SCARB2: variants seen among roughly 807,000 people sequenced by gnomAD.
SCARB2 encodes scavenger receptor class B member 2, also known as lysosome membrane protein 2.
In SCARB2, 29 loss-of-function variants were observed where a neutral mutation model predicts 58.6. That is an observed-to-expected ratio of 0.49 (90% CI 0.37 to 0.67). SCARB2 has a LOEUF of 0.67. Ranked by LOEUF, SCARB2 falls within the 30% of genes least tolerant of loss-of-function variation. The pLI is 0.00. For synonymous variants in SCARB2, 195 were observed against 210.1 expected (o/e 0.93, Z 0.62); for missense variants, 488 against 578.5 (o/e 0.84, Z 1.60).
At chr4:76,173,970 T>C (rs1263215392) in intron 7 of SCARB2, 174 bp downstream of exon 7, 3 of 716,570 alleles carry the variant, frequency 4.2e-6, no homozygotes, top group African/African-American at 1.8e-5. Flanking sequence ...GGTCTCGCCA[T>C]GTTGCCCAGG....
At chr4:76,215,145 G>A (rs1490424104), upstream of SCARB2, among the ~76,000 whole-genome samples, 1 of 152,194 alleles carries the variant, frequency 6.6e-6, no homozygotes, top group Non-Finnish European at 1.5e-5. Context: ...TAAATATCAG[G>A]GTATGGATTT....
chr4:76,205,802 G>A (rs549704973), intron 1 of SCARB2, among the ~76,000 whole-genome samples: 1 of 152,298 alleles, frequency 6.6e-6, no homozygotes, highest in Non-Finnish European at 1.5e-5. Context: ...TTAAACACAT[G>A]ATCCTCTCAA....
Position 76,198,312 on chromosome 4 carries a change from C to T in SCARB2, c.118-2448G>A, listed in dbSNP as rs570246476. On this transcript the variant is annotated intron_variant, in intron 1 of 11. Coordinates refer to ENST00000264896, the MANE Select transcript of SCARB2 (RefSeq NM_005506.4). ...CATAAATGAACAGATGGCTAACCTC[C>T]CTGGTTTATCTTGCTGGGCTGGCAT... is the stretch of plus-strand genomic sequence containing the variant. Among the ~76,000 whole-genome samples, 3 of 152,314 alleles carry T rather than the reference C, an allele frequency of 2.0e-5. No homozygotes were observed. In the East Asian group the frequency reaches 5.8e-4, roughly 29 times the overall value.
intron 1 of SCARB2, among the ~76,000 whole-genome samples, chr4:76,201,476 G>A (rs772362751): frequency 5.3e-5 from 8 of 152,202 alleles, no homozygotes; most frequent in Admixed American, 2.0e-4. Context: ...ATACCGCAGC[G>A]TAGAGCACAA....
At chr4:76,202,968 A>G (rs1373050578) in intron 1 of SCARB2, among the ~76,000 whole-genome samples, 2 of 152,136 alleles carry the variant, frequency 1.3e-5, no homozygotes, top group African/African-American at 4.8e-5. Flanking sequence ...GTTCTTGAAT[A>G]TATTTGTCCA....
chr4:76,212,070 C>T (rs1443281209), intron 1 of SCARB2, among the ~76,000 whole-genome samples: 1 of 152,146 alleles, frequency 6.6e-6, no homozygotes, highest in Non-Finnish European at 1.5e-5. Flanking sequence ...TATAGGGCTC[C>T]TTGAAACAGC....
intron 2 of SCARB2, among the ~76,000 whole-genome samples, chr4:76,183,971 A>T (rs987108972): frequency 6.6e-6 from 1 of 152,242 alleles, no homozygotes; most frequent in Non-Finnish European, 1.5e-5. Flanking sequence ...GTATAGAAGG[A>T]AGCATACTTC....
chr4:76,169,341 C>CACACACACACACACACAT (rs3217498), intron 8 of SCARB2, among the ~76,000 whole-genome samples: 6 of 151,240 alleles, frequency 4.0e-5, no homozygotes, highest in African/African-American at 1.5e-4. Context: ...CACACACACA[C>CACACACACACACACACAT]GTGTGTATGT....
At position 76,175,775 on chromosome 4, in the gene SCARB2, T is replaced by C. The variant is rs779007336; in HGVS notation, c.824+16A>G. ...GACCTTATTTTTGAAAAAGAACTTATCTTTAAAGCTTTTACCTGCAAAAGT... is the reference window on the plus strand; with the variant it reads ...GACCTTATTTTTGAAAAAGAACTTACCTTTAAAGCTTTTACCTGCAAAAGT... On this transcript the variant is annotated intron_variant, in intron 6 of 11. Transcript: ENST00000264896. The C allele has an allele frequency of 6.2e-7, 1 of 1,613,762 alleles. No individual in the cohort carries two copies. Among genetic ancestry groups the C allele is most frequent in the East Asian group, 2.2e-5 (1 of 44,858 alleles).
At chr4:76,208,817 T>C (rs531078004) in intron 1 of SCARB2, among the ~76,000 whole-genome samples, 4 of 152,154 alleles carry the variant, frequency 2.6e-5, no homozygotes, top group East Asian at 3.8e-4. Context: ...GCGGGATACA[T>C]TGTGGTCTGT....
At chr4:76,194,215 C>T (rs1732662689) in intron 2 of SCARB2, 1 of 152,274 alleles carries the variant, frequency 6.6e-6, no homozygotes, top group Non-Finnish European at 1.5e-5. Flanking sequence ...GCCTGCAGAA[C>T]CATGAGCCAA....
intron 7 of SCARB2, 137 bp from the exon 8 acceptor site, chr4:76,170,122 A>C: frequency 1.4e-6 from 1 of 729,508 alleles, no homozygotes; most frequent in East Asian, 2.7e-5. Context: ...GGGTAGGCTA[A>C]AACACCATCC....
intron 2 of SCARB2, among the ~76,000 whole-genome samples, chr4:76,182,683 C>G (rs1488291726): frequency 7.2e-5 from 11 of 152,176 alleles, no homozygotes. Context: ...CAATTAGAAA[C>G]TTCTGAGTGA....
intron 7 of SCARB2, chr4:76,173,222 G>A (rs1336157100): frequency 6.6e-6 from 1 of 152,116 alleles, no homozygotes; most frequent in Non-Finnish European, 1.5e-5. Context: ...AAGAAACACT[G>A]GGACATTTGT....
intron 10 of SCARB2, chr4:76,165,475 T>A (rs1169307973): frequency 6.6e-6 from 1 of 152,146 alleles, no homozygotes; most frequent in African/African-American, 2.4e-5. Context: ...AATCAATTTT[T>A]AAAAAAATTT....
intron 9 of SCARB2, among the ~76,000 whole-genome samples, chr4:76,168,032 G>A (rs1415731669): frequency 2.0e-5 from 3 of 152,126 alleles, no homozygotes; most frequent in South Asian, 4.1e-4. Flanking sequence ...GAGAGTCAAG[G>A]TGCATGAGGG....
At chr4:76,189,708 G>C (rs751445281) in intron 2 of SCARB2, among the ~76,000 whole-genome samples, 4 of 152,076 alleles carry the variant, frequency 2.6e-5, no homozygotes, top group Non-Finnish European at 4.4e-5. Flanking sequence ...CTGACCTCAA[G>C]TGATCTGCCT....
chr4:76,176,132 G>T (rs1560708759), intron 5 of SCARB2: 5 of 624,962 alleles, frequency 8.0e-6, no homozygotes, highest in Non-Finnish European at 1.4e-5. Flanking sequence ...AAAACATGTG[G>T]TGGTTTGAAA....
chr4:76,218,996 A>T (rs578238198), intron 1 of SCARB2, among the ~76,000 whole-genome samples: 6 of 152,336 alleles, frequency 3.9e-5, no homozygotes, highest in Admixed American at 1.3e-4. Flanking sequence ...ACAGAGATTG[A>T]CTAAGTAGTC....
Sources: allele counts gnomAD v4.1 joint callset (sites outside exome capture counted in the v4.1 genomes callset), GRCh38; gene constraint gnomAD v4.1.1; transcripts MANE v1.5; gene names NCBI Gene and HGNC (gene_info 2026-07-23, HGNC 2026-07-21).